Variants in CC2D2A observed in about 807,000 individuals in gnomAD.
CC2D2A encodes coiled-coil and C2 domain-containing protein 2A.
Under a neutral mutation model 212.9 loss-of-function variants are expected in CC2D2A, and 155 were observed. The ratio of observed to expected loss-of-function variants is 0.73; its 90% confidence interval spans 0.64 to 0.83. The LOEUF is 0.83. Among genes scored for constraint, CC2D2A ranks in the 40% least tolerant of loss-of-function variants. The probability of loss-of-function intolerance (pLI) is 0.00; values close to 1 mark genes in which losing one functional copy is unlikely to be tolerated. For missense variants in CC2D2A, 1,856 were observed against 1,956.2 expected (o/e 0.95, Z 0.97); for synonymous variants, 667 against 686.5 (o/e 0.97, Z 0.44).
At chr4:15,487,468 C>CT (rs1475083394) in intron 4 of CC2D2A, among the ~76,000 whole-genome samples, 1 of 152,026 alleles carries the variant, frequency 6.6e-6, no homozygotes, top group African/African-American at 2.4e-5. Flanking sequence ...TACTCCTGCT[C>CT]TTTTTACATT....
chr4:15,509,021 G>A (rs1338967172), intron 6 of CC2D2A, among the ~76,000 whole-genome samples: 2 of 152,116 alleles, frequency 1.3e-5, no homozygotes, highest in Non-Finnish European at 2.9e-5. Context: ...GTTGGAAACA[G>A]CACCTTGCAG....
At chr4:15,590,414 C>T (rs904828413) in intron 33 of CC2D2A, among the ~76,000 whole-genome samples, 1 of 152,120 alleles carries the variant, frequency 6.6e-6, no homozygotes, top group African/African-American at 2.4e-5. Flanking sequence ...ACTTGGGAGG[C>T]TGAGGCAGGA....
intron 24 of CC2D2A, among the ~76,000 whole-genome samples, chr4:15,565,179 A>C (rs916569564): frequency 6.6e-6 from 1 of 152,222 alleles, no homozygotes; most frequent in African/African-American, 2.4e-5. Flanking sequence ...AACTGGGGTG[A>C]AAAACTATTT....
At chr4:15,573,960 A>G (rs956783670) in intron 28 of CC2D2A, among the ~76,000 whole-genome samples, 190 bp from the exon 29 acceptor site, 1 of 152,370 alleles carries the variant, frequency 6.6e-6, no homozygotes, top group South Asian at 2.1e-4. Flanking sequence ...CAATGAAAAG[A>G]AGGCAAGGAA....
At position 15,477,455 on chromosome 4, in the gene CC2D2A, G is replaced by A. The variant is rs1434314069; in HGVS notation, c.40-1268G>A. ...AACCTTGTTCCCTCATGGAACTTAC[G>A]TTCTATCTTATTTGAAGTCCTACTG... On this transcript the variant is annotated intron_variant, in intron 2 of 36. Transcript: ENST00000424120. 4.6e-5 allele frequency among the ~76,000 whole-genome samples: 7 copies of A among 152,222 alleles called. No homozygotes were observed. In the South Asian group the frequency reaches 6.2e-4, roughly 14 times the overall value.
At position 15,559,201 on chromosome 4, in the gene CC2D2A, G is replaced by T; in HGVS notation, c.2866G>T (p.Glu956Ter). Residue 956 changes from glutamate (E) to a stop codon, truncating the protein, a stop_gained, in exon 22 of 37, where the codon GAA (glutamate) becomes TAA (stop). Coordinates refer to ENST00000424120, the MANE Select transcript of CC2D2A (RefSeq NM_001378615.1). LOFTEE classifies it high-confidence loss of function. ...ACGGTTACGAGACAGAAATGTAATA[G>T]AAACCAAGGAACACATAGACACCCA... ...EKRLRDRNVI[E>*]TKEHIDTHRA... is the part of the protein sequence containing the mutation. 6.4e-7 allele frequency: 1 copy of T among 1,552,472 alleles called. No individual in the cohort carries two copies.
At chr4:15,549,760 G>A (rs190667783) in intron 17 of CC2D2A, among the ~76,000 whole-genome samples, 3 of 152,190 alleles carry the variant, frequency 2.0e-5, no homozygotes, top group East Asian at 3.9e-4. Flanking sequence ...CCAAGATCAC[G>A]GCACTGCACT....
chr4:15,538,190 C>T lies in CC2D2A; in HGVS notation c.2003+53C>T, dbSNP rs116581692. On this transcript the variant is annotated intron_variant, in intron 16 of 36. Transcript: ENST00000424120. ...GGCTGACATCTGATACACATGTTCA[C>T]GTGGGCACATGCACACACACATGCA... The T allele has an allele frequency of 6.1e-5, 90 of 1,472,972 alleles. No homozygotes were observed. In the African/African-American group the frequency reaches 1.1e-3, roughly 18 times the overall value. 91.2% of individuals were successfully genotyped at this position (1,472,972 alleles called of 1,614,324 possible).
At chr4:15,497,956 C>A (rs1269581318) in intron 4 of CC2D2A, among the ~76,000 whole-genome samples, 1 of 152,154 alleles carries the variant, frequency 6.6e-6, no homozygotes, top group Non-Finnish European at 1.5e-5. Flanking sequence ...ATGAGAGGAA[C>A]AGAAAATTAT....
At position 15,537,951 on chromosome 4, in the gene CC2D2A, A is replaced by G; in HGVS notation, c.1817A>G (p.Glu606Gly). Reference sequence around the variant, plus strand: ...GCAGCAGAAGAACATCCCGGTGATGAGATTGCAGAGCCGTATCCCGAGGAG... The same window carrying G: ...GCAGCAGAAGAACATCCCGGTGATGGGATTGCAGAGCCGTATCCCGAGGAG... ...KQAAEEHPGDEIAEPYPEEDL... is the reference protein window; with the variant it reads ...KQAAEEHPGDGIAEPYPEEDL... The change falls in exon 16 of 37, where the codon GAG (glutamate) becomes GGG (glycine). Residue 606 changes from glutamate to glycine, a missense_variant. Coordinates refer to ENST00000424120, the MANE Select transcript of CC2D2A (RefSeq NM_001378615.1). 3 of 1,609,924 alleles carry G rather than the reference A, an allele frequency of 1.9e-6. No homozygotes were observed. The highest frequency in any genetic ancestry group is 2.5e-6 in the Non-Finnish European group (3 of 1,178,164).
intron 1 of CC2D2A, among the ~76,000 whole-genome samples, chr4:15,470,502 A>G (rs1287625275): frequency 2.0e-5 from 3 of 152,136 alleles, no homozygotes; most frequent in Admixed American, 6.5e-5. Flanking sequence ...CTTCAAGAAA[A>G]TGTACTGGCT....
chr4:15,535,959 C>T (rs1718108758), intron 14 of CC2D2A, among the ~76,000 whole-genome samples: 2 of 152,192 alleles, frequency 1.3e-5, no homozygotes, highest in African/African-American at 4.8e-5. Context: ...ATGTTAAGGG[C>T]TCTGAAAAGA....
chr4:15,595,662 T>C (rs1045716822), intron 33 of CC2D2A, among the ~76,000 whole-genome samples: 1 of 152,236 alleles, frequency 6.6e-6, no homozygotes, highest in Non-Finnish European at 1.5e-5. Context: ...CATGCTACGC[T>C]GCCTCACCAA....
chr4:15,491,088 G>C (rs1715281230), intron 4 of CC2D2A, among the ~76,000 whole-genome samples: 1 of 152,128 alleles, frequency 6.6e-6, no homozygotes, highest in Admixed American at 6.5e-5. Context: ...TGTCTAAGGG[G>C]TTTTGTCTGC....
chr4:15,538,268 A>AGAGTTAATGAT, intron 16 of CC2D2A, 131 bp downstream of exon 16: 1 of 998,080 alleles, frequency 1.0e-6, no homozygotes, highest in Non-Finnish European at 1.4e-6. Context: ...GAGTATCATT[A>AGAGTTAATGAT]ACTCTAAATG....
At position 15,525,504 on chromosome 4, in the gene CC2D2A, C is replaced by T. The variant is rs574603413; in HGVS notation, c.1150-1943C>T. 6.6e-5 allele frequency among the ~76,000 whole-genome samples: 10 copies of T among 152,146 alleles called. No individual in the cohort carries two copies. The East Asian group carries it at 1.9e-3, about 29-fold the overall frequency. On this transcript the variant is annotated intron_variant, in intron 11 of 36. Coordinates refer to ENST00000424120, the MANE Select transcript of CC2D2A (RefSeq NM_001378615.1). ...TACTAATGCAGTTTATAATTGAATA[C>T]TTATACCTGAATGAAAGAGAAAAAA...
intron 4 of CC2D2A, among the ~76,000 whole-genome samples, chr4:15,483,504 A>C (rs1039209875): frequency 2.0e-5 from 3 of 152,178 alleles, no homozygotes; most frequent in Non-Finnish European, 4.4e-5. Context: ...CATGTCCCTA[A>C]ATCCAGCCCA....
chr4:15,478,399 G>A (rs961040480), intron 2 of CC2D2A, among the ~76,000 whole-genome samples: 1 of 152,212 alleles, frequency 6.6e-6, no homozygotes, highest in South Asian at 2.1e-4. Context: ...CAGACAGCAT[G>A]TGGCTTTCAA....
rs1224203441 is a variant in CC2D2A, at chr4:15,496,307, G to C, written c.248-6122G>C. ...AGACTTCATAATGAAGTCTTTGCCA[G>C]GGCCAGTGTCCAGAATGGTATTTCC... On this transcript the variant is annotated intron_variant, in intron 4 of 36. Coordinates refer to ENST00000424120, the MANE Select transcript of CC2D2A (RefSeq NM_001378615.1). Among the ~76,000 whole-genome samples the C allele has an allele frequency of 3.3e-5, 5 of 152,108 alleles. No individual in the cohort carries two copies. The South Asian group carries it at 6.2e-4, about 19-fold the overall frequency.
Sources: allele counts gnomAD v4.1 joint callset (sites outside exome capture counted in the v4.1 genomes callset), GRCh38; gene constraint gnomAD v4.1.1; transcripts MANE v1.5; gene names NCBI Gene and HGNC (gene_info 2026-07-23, HGNC 2026-07-21).